Variants in TCF4 observed in about 807,000 individuals in gnomAD.
TCF4 encodes transcription factor 4.
A neutral mutation model predicts 82.1 loss-of-function variants in TCF4; 3 were observed. The ratio of observed to expected loss-of-function variants is 0.04; its 90% CI spans 0.02 to 0.09. TCF4 has a LOEUF of 0.09. Ranked by LOEUF, TCF4 falls within the 10% of genes least tolerant of loss-of-function variation. The probability of loss-of-function intolerance (pLI) is 1.00; values close to 1 mark genes in which losing one functional copy is unlikely to be tolerated. For synonymous variants in TCF4, 276 were observed against 309.6 expected (o/e 0.89, Z 1.14); for missense variants, 518 against 852.7 (o/e 0.61, Z 4.89).
chr18:55,486,492 T>C (rs1364111298), intron 3 of TCF4, among the ~76,000 whole-genome samples: 4 of 152,138 alleles, frequency 2.6e-5, no homozygotes, highest in African/African-American at 9.7e-5. Context: ...CTCAGGAGGC[T>C]GAGGCAGGAA....
At chr18:55,297,865 C>CT (rs1206673254) in intron 8 of TCF4, among the ~76,000 whole-genome samples, 1 of 151,686 alleles carries the variant, frequency 6.6e-6, no homozygotes, top group African/African-American at 2.4e-5. Flanking sequence ...AGTGGTATCC[C>CT]TTTTTTAAAA....
intron 3 of TCF4, among the ~76,000 whole-genome samples, chr18:55,481,439 T>C (rs920470881): frequency 8.5e-5 from 13 of 152,354 alleles, no homozygotes; most frequent in African/African-American, 2.9e-4. Flanking sequence ...GTAGACTGTA[T>C]TATCCTCATT....
chr18:55,304,736 G>A (rs1465328985), intron 8 of TCF4, among the ~76,000 whole-genome samples: 1 of 152,080 alleles, frequency 6.6e-6, no homozygotes, highest in Non-Finnish European at 1.5e-5. Context: ...AAGACCAAAG[G>A]AAATCTTTGG....
At chr18:55,578,351 C>G (rs2097547481) in intron 3 of TCF4, among the ~76,000 whole-genome samples, 1 of 152,026 alleles carries the variant, frequency 6.6e-6, no homozygotes, top group African/African-American at 2.4e-5. Context: ...ACCAGAGGGT[C>G]AGGACATGTG....
intron 4 of TCF4, among the ~76,000 whole-genome samples, chr18:55,461,513 C>T (rs770375353): frequency 1.2e-4 from 18 of 152,222 alleles, no homozygotes; most frequent in Non-Finnish European, 1.9e-4. Context: ...GCATAGCATG[C>T]AATGAATTGC....
chr18:55,406,437 A>C (rs2094094106), intron 5 of TCF4, among the ~76,000 whole-genome samples: 1 of 152,094 alleles, frequency 6.6e-6, no homozygotes, highest in Non-Finnish European at 1.5e-5. Flanking sequence ...TTTTAAAAGG[A>C]CACCTCAGTT....
At chr18:55,398,265 C>G (rs2093614398) in intron 6 of TCF4, among the ~76,000 whole-genome samples, 1 of 152,188 alleles carries the variant, frequency 6.6e-6, no homozygotes, top group Non-Finnish European at 1.5e-5. Context: ...CCGAAAAATA[C>G]CGCTCAGGGA....
chr18:55,576,879 T>C (rs981228092), intron 3 of TCF4, among the ~76,000 whole-genome samples: 4 of 151,812 alleles, frequency 2.6e-5, no homozygotes, highest in Admixed American at 6.6e-5. Context: ...TTTCAGCTCA[T>C]CAACTATCGT....
At position 55,358,524 on chromosome 18, in the gene TCF4, T is replaced by A. The variant is rs554704386; in HGVS notation, c.370-7521A>T. 3.9e-5 allele frequency among the ~76,000 whole-genome samples: 6 copies of A among 152,340 alleles called. No homozygotes were observed. The East Asian group carries it at 1.2e-3, about 29-fold the overall frequency. ...AAGGCAGATGCTACAAACCCCAATG[T>A]ACAGATGGGGACATTCAGAGTGGTT... is the stretch of plus-strand genomic sequence containing the variant. On this transcript the variant is annotated intron_variant, in intron 6 of 19. Transcript: ENST00000354452.
chr18:55,299,926 G>C (rs1348992155), intron 8 of TCF4, among the ~76,000 whole-genome samples: 2 of 152,094 alleles, frequency 1.3e-5, no homozygotes. Context: ...GAAGGGAAAT[G>C]CTCATAGAGA....
chr18:55,616,033 A>G (rs925922672), intron 2 of TCF4, among the ~76,000 whole-genome samples: 3 of 152,220 alleles, frequency 2.0e-5, no homozygotes, highest in East Asian at 1.9e-4. Context: ...GTGCACATAG[A>G]GTATTGTGAA....
chr18:55,327,019 A>C (rs570114629), intron 8 of TCF4, among the ~76,000 whole-genome samples: 100 of 152,252 alleles, frequency 6.6e-4, no homozygotes, highest in South Asian at 2.7e-3. Context: ...CACAGAATTT[A>C]TTCTGATGAC....
Position 55,225,059 on chromosome 18 carries a change from ACT to A in TCF4, c.*2974_*2975del, listed in dbSNP as rs2046416720. The A allele has an allele frequency of 6.6e-6, 1 of 152,166 alleles. No individual in the cohort carries two copies. The highest frequency in any genetic ancestry group is 2.4e-5 in the African/African-American group (1 of 41,460). 9.4% of individuals were successfully genotyped at this position (152,166 alleles called of 1,614,324 possible). On this transcript the variant is annotated 3_prime_UTR_variant, in exon 20 of 20. Transcript: ENST00000354452. ...ACAAAACAACAACAATAAAAAACAC[ACT>A]AAAAAGGCCACATTCCCTTTTTTTC...
At chr18:55,525,137 TACTA>T (rs2096968286) in intron 3 of TCF4, among the ~76,000 whole-genome samples, 1 of 152,106 alleles carries the variant, frequency 6.6e-6, no homozygotes, top group Non-Finnish European at 1.5e-5. Flanking sequence ...CTTTCTTAAC[TACTA>T]TATCAGATTT....
chr18:55,622,881 CTGTGTG>C (rs1168157065), intron 2 of TCF4, among the ~76,000 whole-genome samples: 1 of 149,622 alleles, frequency 6.7e-6, no homozygotes, highest in East Asian at 2.0e-4. Context: ...TTTCTCCACT[CTGTGTG>C]TGTGTGTGTG....
At chr18:55,572,705 C>G (rs1441474498) in intron 3 of TCF4, among the ~76,000 whole-genome samples, 1 of 152,128 alleles carries the variant, frequency 6.6e-6, no homozygotes, top group Non-Finnish European at 1.5e-5. Flanking sequence ...TTCAATTCAA[C>G]AGGTCTAACT....
intron 3 of TCF4, among the ~76,000 whole-genome samples, chr18:55,475,097 T>C (rs75461791): frequency 0.035 from 5,366 of 152,294 alleles, 128 homozygotes; most frequent in African/African-American, 0.038. Flanking sequence ...TGTGGGTACT[T>C]AGATCCAATC....
intron 8 of TCF4, among the ~76,000 whole-genome samples, chr18:55,333,449 G>T (rs767942734): frequency 1.4e-5 from 2 of 138,590 alleles, no homozygotes; most frequent in African/African-American, 2.7e-5. Flanking sequence ...TCTCCCACCA[G>T]AAAAAAAAAA....
chr18:55,492,001 T>G (rs189138303), intron 3 of TCF4, among the ~76,000 whole-genome samples: 1 of 152,184 alleles, frequency 6.6e-6, no homozygotes, highest in East Asian at 1.9e-4. Flanking sequence ...TCAGAACTTG[T>G]TAAACATTTT....
Sources: allele counts gnomAD v4.1 joint callset (sites outside exome capture counted in the v4.1 genomes callset), GRCh38; gene constraint gnomAD v4.1.1; transcripts MANE v1.5; gene names NCBI Gene and HGNC (gene_info 2026-07-23, HGNC 2026-07-21).